The following TPX2 variants were observed in gnomAD, a reference collection of about 807,000 sequenced individuals.
TPX2 encodes TPX2 microtubule nucleation factor, also known as targeting protein for Xklp2.
In TPX2, 21 loss-of-function variants were observed where a neutral mutation model predicts 93.6. That is an observed-to-expected ratio of 0.22 (90% CI 0.16 to 0.32). TPX2 has a LOEUF of 0.32. Among genes scored for constraint, TPX2 ranks in the 10% least tolerant of loss-of-function variants. The pLI, the probability that TPX2 is intolerant of heterozygous loss-of-function variation, is 1.00. For synonymous variants in TPX2, 281 were observed against 298.3 expected, an observed-to-expected ratio of 0.94 and a Z score of 0.60; for missense variants, 776 against 871.1, an observed-to-expected ratio of 0.89 and a Z score of 1.37.
intron 2 of TPX2, among the ~76,000 whole-genome samples, chr20:31,745,430 A>G (rs914537352): frequency 1.3e-5 from 2 of 151,596 alleles, no homozygotes; most frequent in African/African-American, 4.9e-5. Flanking sequence ...CCCTGGTTCA[A>G]GTGATTCTCC....
intron 4 of TPX2, among the ~76,000 whole-genome samples, chr20:31,761,747 T>A (rs2061892364): frequency 6.6e-6 from 1 of 152,232 alleles, no homozygotes; most frequent in Non-Finnish European, 1.5e-5. Flanking sequence ...ATGTACTGAT[T>A]TCCTTCTTTT....
intron 4 of TPX2, among the ~76,000 whole-genome samples, chr20:31,761,413 G>A (rs889778308): frequency 3.3e-5 from 5 of 151,950 alleles, no homozygotes; most frequent in South Asian, 2.1e-4. Context: ...TATTGGCCAG[G>A]CTGGTCTCAA....
At chr20:31,792,708 T>C (rs770344928) in intron 12 of TPX2, 27 bp from the exon 13 acceptor site, 6 of 1,583,088 alleles carry the variant, frequency 3.8e-6, no homozygotes, top group African/African-American at 1.3e-5. Context: ...TTTTGTGATA[T>C]CTAATTGAGT....
intron 7 of TPX2, among the ~76,000 whole-genome samples, chr20:31,775,509 A>G (rs1044579916): frequency 3.3e-5 from 5 of 151,628 alleles, no homozygotes; most frequent in African/African-American, 1.2e-4. Flanking sequence ...CCCAGTAGCT[A>G]GAATTACAGG....
In TPX2 at chr20:31,784,162, A is replaced by G. The variant is rs149448812; in HGVS notation, c.1413+241A>G. Among the ~76,000 whole-genome samples, 234 of 152,334 alleles carry G rather than the reference A, an allele frequency of 1.5e-3. No individual in the cohort carries two copies. Among genetic ancestry groups the G allele is most frequent in the African/African-American group, 5.4e-3 (226 of 41,574 alleles). Reference sequence around the variant, plus strand: ...TGTTCTGAGAGAGATGACAGTTAAAATAGGAATTCAGAGGAGAAAATGGTT... The same window carrying G: ...TGTTCTGAGAGAGATGACAGTTAAAGTAGGAATTCAGAGGAGAAAATGGTT... On this transcript the variant is annotated intron_variant, in intron 12 of 17. Coordinates refer to ENST00000300403, the MANE Select transcript of TPX2 (RefSeq NM_012112.5).
intron 7 of TPX2, among the ~76,000 whole-genome samples, chr20:31,772,197 T>C (rs1016197414): frequency 6.6e-6 from 1 of 152,022 alleles, no homozygotes; most frequent in Admixed American, 6.6e-5. Flanking sequence ...ATTTTTGTAT[T>C]TTTAGTAGAG....
chr20:31,762,539 G>A (rs892648631), intron 4 of TPX2, among the ~76,000 whole-genome samples: 3 of 151,876 alleles, frequency 2.0e-5, no homozygotes, highest in African/African-American at 7.3e-5. Context: ...TAGTAGAGAT[G>A]GGGTTTCGTG....
At position 31,756,898 on chromosome 20, in the gene TPX2, A is replaced by G. The variant is rs183229882; in HGVS notation, c.-70-509A>G. On this transcript the variant is annotated intron_variant, in intron 2 of 17. Transcript: ENST00000300403. ...CGCCTCAGCCTCTCGAAGTGCTGGG[A>G]TTACAGGCGTGAGCCACTGCTCCTG... 7.2e-3 allele frequency among the ~76,000 whole-genome samples: 1,099 copies of G among 152,300 alleles called. 3 individuals are homozygous for G. Among genetic ancestry groups the G allele is most frequent in the Non-Finnish European group, 0.012 (814 of 68,024 alleles).
Position 31,777,497 on chromosome 20 carries a change from G to T in TPX2, c.741G>T (p.Val247=), listed in dbSNP as rs1235832398. ...KLALAGIGQP[V]KKSVSQVTKS... ...GTGTTCATCTCTCAGGGCAACCTGT[G>T]AAGAAATCAGTGAGCCAGGTCACCA... Residue 247 remains valine (V), a synonymous_variant, in exon 9 of 18, where the codon GTG becomes GTT. Transcript: ENST00000300403. 6.2e-7 allele frequency: 1 copy of T among 1,613,942 alleles called. No individual in the cohort carries two copies. The highest frequency in any genetic ancestry group is 1.7e-5 in the Admixed American group (1 of 60,002).
At position 31,759,999 on chromosome 20, in the gene TPX2, A is replaced by T; in HGVS notation, c.107-58A>T. 7 of 1,598,576 alleles carry T rather than the reference A, an allele frequency of 4.4e-6. No individual in the cohort carries two copies. The South Asian group carries it at 7.9e-5, about 18-fold the overall frequency. On this transcript the variant is annotated intron_variant, in intron 3 of 17. Coordinates refer to ENST00000300403, the MANE Select transcript of TPX2 (RefSeq NM_012112.5). The stretch of plus-strand genomic sequence containing the variant: ...CTTTAGTTTGCATTTTAAATGCGTG[A>T]TAGTGATTTGTTTTGCTTCCTTGCT...
In TPX2 at chr20:31,744,397, A is replaced by G. The variant is rs1312080880; in HGVS notation, c.-71+1750A>G. ...CTGGTCTCAAACTCCTGACCTCATG[A>G]TCTGCCCACCTCGGCCTCCCAAAGT... On this transcript the variant is annotated intron_variant, in intron 2 of 17. Transcript: ENST00000300403. Among the ~76,000 whole-genome samples the G allele has an allele frequency of 2.6e-5, 4 of 151,930 alleles. No homozygotes were observed. In the South Asian group the frequency reaches 6.2e-4, roughly 24 times the overall value.
At chr20:31,794,179 CCTT>C (rs775800638) in intron 14 of TPX2, among the ~76,000 whole-genome samples, 155 bp downstream of exon 14, 4 of 152,138 alleles carry the variant, frequency 2.6e-5, no homozygotes, top group Non-Finnish European at 4.4e-5. Flanking sequence ...TTTAAATAAT[CCTT>C]CTGGCACAAG....
At chr20:31,755,402 A>G (rs1437962658) in intron 2 of TPX2, among the ~76,000 whole-genome samples, 1 of 152,138 alleles carries the variant, frequency 6.6e-6, no homozygotes, top group African/African-American at 2.4e-5. Flanking sequence ...ATTAATTTAA[A>G]TAAACATTTA....
chr20:31,763,544 TAGAG>T (rs529627095), intron 4 of TPX2, among the ~76,000 whole-genome samples: 3 of 152,182 alleles, frequency 2.0e-5, no homozygotes, highest in East Asian at 1.9e-4. Flanking sequence ...TTCCATCAAT[TAGAG>T]AGAGAGGTAG....
At chr20:31,788,144 C>T (rs1052685360) in intron 12 of TPX2, among the ~76,000 whole-genome samples, 7 of 152,054 alleles carry the variant, frequency 4.6e-5, no homozygotes, top group Non-Finnish European at 8.8e-5. Flanking sequence ...CGGCCAGGCG[C>T]GGTGGCTCAC....
At chr20:31,762,763 C>T (rs1009164014) in intron 4 of TPX2, among the ~76,000 whole-genome samples, 7 of 152,082 alleles carry the variant, frequency 4.6e-5, no homozygotes, top group Admixed American at 2.6e-4. Context: ...CATTTTTCTG[C>T]ATTTAAATAT....
In TPX2 at chr20:31,792,734, G is replaced by T; in HGVS notation, c.1414-1G>T. Reference sequence around the variant, plus strand: ...CTAATTGAGTTGCTTACTCCTTTCAGGGTGTTCCTGAAAAGAAGGTACTTC... The same window carrying T: ...CTAATTGAGTTGCTTACTCCTTTCATGGTGTTCCTGAAAAGAAGGTACTTC... On this transcript the variant is annotated splice_acceptor_variant, in intron 12 of 17. Transcript: ENST00000300403. LOFTEE classifies it high-confidence loss of function. The T allele has an allele frequency of 6.2e-7, 1 of 1,613,824 alleles. No homozygotes were observed. The highest frequency in any genetic ancestry group is 8.5e-7 in the Non-Finnish European group (1 of 1,179,738).
intron 2 of TPX2, among the ~76,000 whole-genome samples, chr20:31,748,003 C>T (rs777416329): frequency 6.6e-6 from 1 of 151,966 alleles, no homozygotes; most frequent in Non-Finnish European, 1.5e-5. Flanking sequence ...CGAAATTACC[C>T]AGTAGTTAGC....
intron 13 of TPX2, 21 bp downstream of exon 13, chr20:31,792,851 G>A (rs992087170): frequency 4.4e-6 from 7 of 1,608,714 alleles, no homozygotes; most frequent in South Asian, 2.2e-5. Flanking sequence ...GGGAGTAGGG[G>A]GGTTCTTTTT....
Sources: gnomAD v4.1 joint callset for allele counts (sites outside exome capture counted in the v4.1 genomes callset) on GRCh38, gnomAD v4.1.1 for gene constraint, MANE v1.5 for transcripts, NCBI Gene and HGNC (gene_info 2026-07-23, HGNC 2026-07-21) for gene names.